EFCAB5: variants seen among roughly 807,000 people sequenced by gnomAD.
EFCAB5 encodes EF-hand calcium binding domain 5, also known as EF-hand calcium-binding domain-containing protein 5.
EFCAB5 carries 131 observed loss-of-function variants against 167.9 expected under a neutral mutation model. The ratio of observed to expected loss-of-function variants is 0.78; its 90% CI spans 0.68 to 0.90. The LOEUF (loss-of-function observed/expected upper bound fraction) is 0.90. Ranked by LOEUF, EFCAB5 falls within the 40% of genes least tolerant of loss-of-function variation. EFCAB5 has a pLI of 0.00. For missense variants in EFCAB5, 1,663 were observed against 1,745.2 expected (o/e 0.95, Z 0.84); for synonymous variants, 574 against 602.8 (o/e 0.95, Z 0.70).
At chr17:29,999,632 A>G (rs1020959391) in intron 6 of EFCAB5, among the ~76,000 whole-genome samples, 7 of 152,096 alleles carry the variant, frequency 4.6e-5, no homozygotes, top group Admixed American at 2.0e-4. Context: ...CTTTTATACT[A>G]TTGATGTGCA....
At chr17:30,026,175 TA>T (rs1450270464) in intron 7 of EFCAB5, among the ~76,000 whole-genome samples, 2 of 151,260 alleles carry the variant, frequency 1.3e-5, no homozygotes, top group South Asian at 4.2e-4. Context: ...ATAATAATAA[TA>T]AAAAATAAAT....
At chr17:30,018,802 A>G (rs1362998075) in intron 7 of EFCAB5, among the ~76,000 whole-genome samples, 1 of 152,118 alleles carries the variant, frequency 6.6e-6, no homozygotes, top group Non-Finnish European at 1.5e-5. Context: ...AAGTTGTTCT[A>G]TAGCTTAAAG....
intron 8 of EFCAB5, among the ~76,000 whole-genome samples, chr17:30,046,306 AAGAAAAAAGCTTTT>A (rs1013090098): frequency 9.2e-5 from 14 of 152,140 alleles, no homozygotes; most frequent in African/African-American, 7.2e-5. Context: ...GTGCCTATTA[AAGAAAAAAGCTTTT>A]GCTGCATTTG....
At chr17:29,999,422 G>C (rs1007784847) in intron 6 of EFCAB5, among the ~76,000 whole-genome samples, 3 of 152,088 alleles carry the variant, frequency 2.0e-5, no homozygotes, top group African/African-American at 4.8e-5. Flanking sequence ...GTGCTGATGG[G>C]AGGTAGAGAA....
intron 8 of EFCAB5, among the ~76,000 whole-genome samples, chr17:30,047,986 T>G (rs2069976008): frequency 6.6e-6 from 1 of 152,188 alleles, no homozygotes; most frequent in African/African-American, 2.4e-5. Flanking sequence ...TTTATTAGGG[T>G]AAATATGCAT....
At chr17:30,079,798 G>A (rs2070945833) in intron 15 of EFCAB5, among the ~76,000 whole-genome samples, 1 of 152,198 alleles carries the variant, frequency 6.6e-6, no homozygotes, top group Non-Finnish European at 1.5e-5. Flanking sequence ...CTAAATTTGA[G>A]TAGACTTGAG....
intron 3 of EFCAB5, among the ~76,000 whole-genome samples, chr17:29,963,451 G>A (rs774671508): frequency 4.9e-4 from 75 of 152,196 alleles, no homozygotes; most frequent in African/African-American, 1.5e-3. Flanking sequence ...GATTTGATTT[G>A]TTAATATTTT....
At chr17:30,052,398 C>T (rs959559260) in intron 9 of EFCAB5, among the ~76,000 whole-genome samples, 1 of 152,142 alleles carries the variant, frequency 6.6e-6, no homozygotes, top group African/African-American at 2.4e-5. Context: ...AACTCCTGAC[C>T]TCAGGCATCC....
chr17:29,996,221 C>T (rs1278309346), intron 5 of EFCAB5, 91 bp from the exon 6 acceptor site: 8 of 1,065,900 alleles, frequency 7.5e-6, no homozygotes, highest in Middle Eastern at 3.0e-4. Flanking sequence ...AACAGAAAGA[C>T]TATAGATGGC....
At chr17:29,977,586 C>T (rs1230528913) in intron 4 of EFCAB5, among the ~76,000 whole-genome samples, 1 of 152,142 alleles carries the variant, frequency 6.6e-6, no homozygotes, top group Admixed American at 6.6e-5. Context: ...TGCATATTCA[C>T]TATGGGGTCT....
At chr17:30,007,275 G>T (rs539122922) in intron 7 of EFCAB5, among the ~76,000 whole-genome samples, 1 of 152,214 alleles carries the variant, frequency 6.6e-6, no homozygotes, top group Non-Finnish European at 1.5e-5. Context: ...GTGGCTTCTT[G>T]TTACTTTGTC....
chr17:30,079,086 C>T (rs1487421562), intron 15 of EFCAB5, among the ~76,000 whole-genome samples: 1 of 152,230 alleles, frequency 6.6e-6, no homozygotes, highest in African/African-American at 2.4e-5. Context: ...AGAAACAGCA[C>T]AGCCGCCTTC....
chr17:29,956,147 C>T (rs1427693480), intron 3 of EFCAB5, among the ~76,000 whole-genome samples: 1 of 152,074 alleles, frequency 6.6e-6, no homozygotes, highest in Non-Finnish European at 1.5e-5. Flanking sequence ...TAGGGAATAG[C>T]CAAATCTGGA....
intron 9 of EFCAB5, among the ~76,000 whole-genome samples, chr17:30,051,544 A>G (rs1423754192): frequency 1.3e-5 from 2 of 152,198 alleles, no homozygotes; most frequent in Non-Finnish European, 2.9e-5. Flanking sequence ...TAAGTTAGTA[A>G]TGGTAATTCC....
In EFCAB5 at chr17:30,080,050, G is replaced by T. The variant is rs761583409; in HGVS notation, c.3028-22G>T. The T allele has an allele frequency of 2.5e-6, 4 of 1,586,026 alleles. No homozygotes were observed. The South Asian group carries it at 3.5e-5, about 14-fold the overall frequency. On this transcript the variant is annotated intron_variant, in intron 15 of 22. Transcript: ENST00000394835. ...GTTCTTTGGCTGTTGGCAAACACAT[G>T]GTCGGAAACGTTTTGCTGTAGGATG...
chr17:30,065,362 A>C (rs1368136344), intron 14 of EFCAB5, among the ~76,000 whole-genome samples: 1 of 152,210 alleles, frequency 6.6e-6, no homozygotes, highest in Non-Finnish European at 1.5e-5. Flanking sequence ...AGCTCAATAA[A>C]TTAAAAACAT....
chr17:29,993,190 A>G lies in EFCAB5; in HGVS notation c.793A>G (p.Lys265Glu). Residue 265 changes from lysine to glutamate, a missense_variant, in exon 5 of 23, where the codon AAA becomes GAA. Coordinates refer to ENST00000394835, the MANE Select transcript of EFCAB5 (RefSeq NM_198529.4). ...NRVSKMKENV[K>E]QNRKQRESID... is the part of the protein sequence containing the mutation. ...AGTATCCAAGATGAAGGAGAATGTT[A>G]AACAGAATAGAAAACAAAGAGAAAG... The G allele has an allele frequency of 6.2e-7, 1 of 1,612,376 alleles. No homozygotes were observed. Among genetic ancestry groups the G allele is most frequent in the South Asian group, 1.1e-5 (1 of 90,660 alleles).
chr17:30,095,667 C>T (rs567255797), intron 22 of EFCAB5, among the ~76,000 whole-genome samples: 141 of 152,206 alleles, frequency 9.3e-4, no homozygotes, highest in African/African-American at 3.3e-3. Context: ...ATGATTCTAC[C>T]GACAATCCAG....
intron 1 of EFCAB5, among the ~76,000 whole-genome samples, chr17:29,932,449 C>CTTTT (rs35262851): frequency 1.8e-4 from 12 of 66,746 alleles, no homozygotes; most frequent in Admixed American, 2.5e-4. Context: ...CTGTGCCCGG[C>CTTTT]TTTTTTTTTT....
Sources: gnomAD v4.1 joint callset for allele counts (sites outside exome capture counted in the v4.1 genomes callset) on GRCh38, gnomAD v4.1.1 for gene constraint, MANE v1.5 for transcripts, NCBI Gene and HGNC (gene_info 2026-07-23, HGNC 2026-07-21) for gene names.